Variants in CFAP43 observed in about 807,000 individuals in gnomAD.
CFAP43 encodes cilia and flagella associated protein 43.
In CFAP43, 155 loss-of-function variants were observed where a neutral mutation model predicts 218.9. That is an observed-to-expected ratio of 0.71 (90% CI 0.62 to 0.81). The LOEUF is 0.81. CFAP43 is among the 30% of genes least tolerant of loss of function. The pLI, the probability that CFAP43 is intolerant of heterozygous loss-of-function variation, is 0.00. For missense variants in CFAP43, 1,778 were observed against 1,954.3 expected (o/e 0.91, Z 1.70); for synonymous variants, 645 against 681.3 (o/e 0.95, Z 0.83).
chr10:104,207,370 G>C (rs1293638417), intron 6 of CFAP43, among the ~76,000 whole-genome samples: 2 of 152,130 alleles, frequency 1.3e-5, no homozygotes, highest in African/African-American at 4.8e-5. Flanking sequence ...TGGACTCTGA[G>C]GTATTATTGC....
chr10:104,181,295 A>G (rs570171173), intron 17 of CFAP43, among the ~76,000 whole-genome samples: 9 of 151,812 alleles, frequency 5.9e-5, no homozygotes, highest in African/African-American at 2.2e-4. Context: ...TATCAACCCT[A>G]CCTCTGAAAC....
At chr10:104,184,461 T>C (rs551489552) in intron 16 of CFAP43, among the ~76,000 whole-genome samples, 45 of 133,388 alleles carry the variant, frequency 3.4e-4, no homozygotes, top group Non-Finnish European at 6.4e-4. Flanking sequence ...ATTAACTATG[T>C]CTTTTTTTTT....
At chr10:104,174,168 C>A (rs2089523843) in intron 19 of CFAP43, among the ~76,000 whole-genome samples, 1 of 152,176 alleles carries the variant, frequency 6.6e-6, no homozygotes. Context: ...GTAACATTCA[C>A]ATATACCAAT....
intron 34 of CFAP43, among the ~76,000 whole-genome samples, chr10:104,138,399 G>A (rs1387182668): frequency 6.6e-6 from 1 of 152,190 alleles, no homozygotes; most frequent in Non-Finnish European, 1.5e-5. Flanking sequence ...ACTGGCCGGT[G>A]GCACGGTGGC....
In CFAP43 at chr10:104,143,606, G is replaced by T. The variant is rs763609199; in HGVS notation, c.3978C>A (p.Thr1326=). 3 of 1,614,128 alleles carry T rather than the reference G, an allele frequency of 1.9e-6. No individual in the cohort carries two copies. The South Asian group carries it at 3.3e-5, about 18-fold the overall frequency. The change falls in exon 32 of 38, where the codon ACC becomes ACA. Residue 1326 remains threonine, a synonymous_variant. Transcript: ENST00000357060. ...ISKQKTHSET[T]SVVPFGELPG... Reference sequence around the variant, plus strand: ...GTAGTTCTCCGAAAGGGACAACGCTGGTTGTTTCTGAGTGCGTTTTCTGTT... The same window carrying T: ...GTAGTTCTCCGAAAGGGACAACGCTTGTTGTTTCTGAGTGCGTTTTCTGTT...
intron 26 of CFAP43, 78 bp from the exon 27 acceptor site, chr10:104,161,240 T>A (rs557114274): frequency 5.7e-5 from 84 of 1,483,174 alleles, no homozygotes; most frequent in East Asian, 2.3e-4. Context: ...GAGTTTTTTT[T>A]AAAAAGCCCT....
chr10:104,203,433 C>T, intron 8 of CFAP43: 1 of 415,974 alleles, frequency 2.4e-6, no homozygotes, highest in South Asian at 9.3e-5. Context: ...GGCTTGGTGG[C>T]ATCATGGTAG....
At chr10:104,152,843 C>A in intron 27 of CFAP43, 117 bp from the exon 28 acceptor site, 1 of 1,101,792 alleles carries the variant, frequency 9.1e-7, no homozygotes, top group South Asian at 1.6e-5. Context: ...GCAAGGTGTT[C>A]TGGGCTCTGT....
chr10:104,133,485 C>T, intron 35 of CFAP43, 135 bp downstream of exon 35: 1 of 934,550 alleles, frequency 1.1e-6, no homozygotes, highest in Non-Finnish European at 1.5e-6. Context: ...AAAAATAACT[C>T]ACAGATATAT....
At chr10:104,185,883 A>G in intron 15 of CFAP43, 91 bp downstream of exon 15, 2 of 1,198,468 alleles carry the variant, frequency 1.7e-6, no homozygotes, top group African/African-American at 1.6e-5. Context: ...TTTTATGCAT[A>G]TATAAGCAAA....
intron 5 of CFAP43, among the ~76,000 whole-genome samples, chr10:104,211,441 C>T (rs973395625): frequency 1.3e-5 from 2 of 152,118 alleles, no homozygotes; most frequent in Non-Finnish European, 2.9e-5. Flanking sequence ...GTGTGTAACA[C>T]CTGGCAAACT....
chr10:104,220,077 T>C (rs993642632), intron 3 of CFAP43, among the ~76,000 whole-genome samples: 5 of 152,150 alleles, frequency 3.3e-5, no homozygotes, highest in African/African-American at 1.2e-4. Flanking sequence ...TCTGGTGTTC[T>C]TATATAAAGG....
intron 3 of CFAP43, among the ~76,000 whole-genome samples, chr10:104,218,220 T>C (rs1020735337): frequency 5.3e-5 from 8 of 150,770 alleles, no homozygotes; most frequent in Admixed American, 1.3e-4. Context: ...TGGTGGCGGG[T>C]GCCTGTAGTC....
chr10:104,172,621 T>A, intron 19 of CFAP43, 86 bp from the exon 20 acceptor site: 1 of 1,192,312 alleles, frequency 8.4e-7, no homozygotes, highest in Middle Eastern at 2.8e-4. Context: ...TAGGCAGCAA[T>A]CAATAAAAAA....
intron 13 of CFAP43, 43 bp from the exon 14 acceptor site, chr10:104,187,535 A>G (rs2090070749): frequency 1.4e-6 from 2 of 1,446,798 alleles, no homozygotes; most frequent in African/African-American, 1.5e-5. Flanking sequence ...TGTACCATAA[A>G]TTAATTTTGT....
chr10:104,215,156 TAAATA>T (rs1252121172), intron 3 of CFAP43, among the ~76,000 whole-genome samples: 1 of 151,370 alleles, frequency 6.6e-6, no homozygotes, highest in Non-Finnish European at 1.5e-5. Context: ...AATAAATAAA[TAAATA>T]AATAAATAAA....
intron 27 of CFAP43, among the ~76,000 whole-genome samples, chr10:104,154,512 T>C (rs377237733): frequency 1.3e-5 from 2 of 152,240 alleles, no homozygotes; most frequent in East Asian, 3.8e-4. Flanking sequence ...TGCTATCTCA[T>C]AGCCACGGAA....
rs369771806 is a variant in CFAP43, at chr10:104,220,029, T to A, written c.416+5432A>T. 2.6e-5 allele frequency among the ~76,000 whole-genome samples: 4 copies of A among 152,254 alleles called. No individual in the cohort carries two copies. The East Asian group carries it at 7.7e-4, about 29-fold the overall frequency. Reference sequence around the variant, plus strand: ...TGATCTTTACAGAGGGTAATCAAGTTAAAATGAAGTCATTAGGATGGGCCC... The same window carrying A: ...TGATCTTTACAGAGGGTAATCAAGTAAAAATGAAGTCATTAGGATGGGCCC... On this transcript the variant is annotated intron_variant, in intron 3 of 37. Coordinates refer to ENST00000357060, the MANE Select transcript of CFAP43 (RefSeq NM_025145.7).
chr10:104,139,392 C>G (rs1223362508), intron 34 of CFAP43, among the ~76,000 whole-genome samples: 1 of 152,112 alleles, frequency 6.6e-6, no homozygotes, highest in Non-Finnish European at 1.5e-5. Context: ...GCTCAAGAAT[C>G]TCACGCACAC....
Sources: gnomAD v4.1 joint callset for allele counts (sites outside exome capture counted in the v4.1 genomes callset) on GRCh38, gnomAD v4.1.1 for gene constraint, MANE v1.5 for transcripts, NCBI Gene and HGNC (gene_info 2026-07-23, HGNC 2026-07-21) for gene names.